PCDHAC1: variants seen among roughly 807,000 people sequenced by gnomAD.
PCDHAC1 encodes protocadherin alpha subfamily C, 1, also known as protocadherin alpha-C1.
Under a neutral mutation model 60.0 loss-of-function variants are expected in PCDHAC1, and 42 were observed. The observed-to-expected ratio is 0.70, with a 90% CI of 0.55 to 0.90. The LOEUF is 0.90. Among genes scored for constraint, PCDHAC1 ranks in the 40% least tolerant of loss-of-function variants. PCDHAC1 has a pLI of 0.00. For missense variants in PCDHAC1, 1,160 were observed against 1,222.3 expected, an observed-to-expected ratio of 0.95 and a Z score of 0.76; for synonymous variants, 468 against 499.3, an observed-to-expected ratio of 0.94 and a Z score of 0.84.
chr5:140,937,371 T>C (rs2153632940), intron 1 of PCDHAC1, among the ~76,000 whole-genome samples: 1 of 152,314 alleles, frequency 6.6e-6, no homozygotes, highest in Non-Finnish European at 1.5e-5. Context: ...TCTTAATGTT[T>C]ATGTGTGTGT....
At chr5:140,962,169 C>T (rs2095662298) in intron 1 of PCDHAC1, among the ~76,000 whole-genome samples, 1 of 152,152 alleles carries the variant, frequency 6.6e-6, no homozygotes, top group Non-Finnish European at 1.5e-5. Flanking sequence ...GCCACCACAC[C>T]CGGCCACTTA....
intron 3 of PCDHAC1, among the ~76,000 whole-genome samples, chr5:141,006,584 GA>G (rs1353712503): frequency 6.6e-6 from 1 of 152,126 alleles, no homozygotes; most frequent in Non-Finnish European, 1.5e-5. Context: ...GAGGGTTGGA[GA>G]GAAGCAAAAG....
chr5:140,994,142 G>C (rs550428204), intron 3 of PCDHAC1, among the ~76,000 whole-genome samples: 8 of 152,180 alleles, frequency 5.3e-5, no homozygotes, highest in Admixed American at 4.6e-4. Context: ...AATGCCCTAC[G>C]TAGGTAGGGT....
intron 3 of PCDHAC1, among the ~76,000 whole-genome samples, chr5:141,003,811 C>G (rs1490096042): frequency 1.3e-5 from 2 of 152,114 alleles, no homozygotes; most frequent in African/African-American, 4.8e-5. Context: ...AATCTGTAGT[C>G]TGGGAAGGGC....
chr5:140,986,246 C>T (rs561365390), intron 3 of PCDHAC1, among the ~76,000 whole-genome samples: 1 of 152,178 alleles, frequency 6.6e-6, no homozygotes, highest in African/African-American at 2.4e-5. Flanking sequence ...TGAGCAGACC[C>T]GGACCACAGG....
intron 3 of PCDHAC1, among the ~76,000 whole-genome samples, chr5:140,994,878 A>G (rs1034578696): frequency 2.0e-5 from 3 of 152,170 alleles, no homozygotes; most frequent in Non-Finnish European, 4.4e-5. Context: ...GAATAAAGAG[A>G]TGTTAGGAAA....
intron 3 of PCDHAC1, among the ~76,000 whole-genome samples, chr5:140,997,287 A>G (rs1011963664): frequency 2.0e-5 from 3 of 152,280 alleles, no homozygotes; most frequent in Admixed American, 1.3e-4. Context: ...TCACTTAACA[A>G]TGGGGATACA....
At chr5:140,972,353 T>C (rs571045648) in intron 1 of PCDHAC1, among the ~76,000 whole-genome samples, 5 of 152,058 alleles carry the variant, frequency 3.3e-5, no homozygotes, top group South Asian at 2.1e-4. Flanking sequence ...TCTCACTATG[T>C]TGCACATGCT....
At chr5:140,985,608 G>A (rs76669319) in intron 3 of PCDHAC1, among the ~76,000 whole-genome samples, 1,553 of 152,166 alleles carry the variant, frequency 0.01, 12 homozygotes, top group Middle Eastern at 0.054. Context: ...AGCCCTTTCC[G>A]TGAACCAGCT....
rs1164447924 is a variant in PCDHAC1, at chr5:141,009,514, AT to A, written c.2582-108del. The A allele has an allele frequency of 1.5e-5, 22 of 1,501,204 alleles. 1 individual carries two copies. The South Asian group carries it at 1.9e-4, about 13-fold the overall frequency. 93.0% of individuals were successfully genotyped at this position (1,501,204 alleles called of 1,614,324 possible). ...CTCAGACTTGAACAAACAACTCGTG[AT>A]TTTTCTGGGGAGGTTCAGCCTGCCT... On this transcript the variant is annotated intron_variant, in intron 3 of 3. Coordinates refer to ENST00000253807, the MANE Select transcript of PCDHAC1 (RefSeq NM_018898.5).
At chr5:141,000,768 A>G (rs1434125702) in intron 3 of PCDHAC1, among the ~76,000 whole-genome samples, 43 of 151,864 alleles carry the variant, frequency 2.8e-4, no homozygotes, top group African/African-American at 4.8e-5. Context: ...TTAGCCAGGC[A>G]TAGTGGCGCA....
Position 140,982,524 on chromosome 5 carries a change from C to T in PCDHAC1, c.2542C>T (p.Pro848Ser). ...CATTCTACGGGCTGGTCCAGGAGGG[C>T]CTGATCAGCAGTGGCCAACAGTATC... ...AGILRAGPGG[P>S]DQQWPTVSSA... Residue 848 changes from proline to serine, a missense_variant, in exon 3 of 4, where the codon CCT (proline) becomes TCT (serine). This residue lies in a region of PCDHAC1 where 1,113 missense variants were observed against 1,163.7 expected (regional missense o/e 0.96). Transcript: ENST00000253807. The T allele has an allele frequency of 6.2e-7, 1 of 1,614,170 alleles. No homozygotes were observed. Among genetic ancestry groups the T allele is most frequent in the Non-Finnish European group, 8.5e-7 (1 of 1,180,030 alleles).
chr5:140,977,923 C>T (rs573696974), intron 1 of PCDHAC1, among the ~76,000 whole-genome samples: 2 of 151,828 alleles, frequency 1.3e-5, no homozygotes, highest in Admixed American at 1.3e-4. Flanking sequence ...TTTTTTCATT[C>T]AACTATACCT....
chr5:141,010,545 A>G lies in PCDHAC1; in HGVS notation c.*608A>G. On this transcript the variant is annotated 3_prime_UTR_variant, in exon 4 of 4. Coordinates refer to ENST00000253807, the MANE Select transcript of PCDHAC1 (RefSeq NM_018898.5). ...GGTGGCAGCCACCCTCTAGGAGACAAAACTACCCCCACTGACAAGGCTTTA... is the reference window on the plus strand; with the variant it reads ...GGTGGCAGCCACCCTCTAGGAGACAGAACTACCCCCACTGACAAGGCTTTA... 1 of 343,382 alleles carries G rather than the reference A, an allele frequency of 2.9e-6. No individual in the cohort carries two copies. 21.3% of individuals were successfully genotyped at this position (343,382 alleles called of 1,614,324 possible).
intron 1 of PCDHAC1, among the ~76,000 whole-genome samples, chr5:140,931,040 A>G (rs2087258988): frequency 6.6e-6 from 1 of 152,242 alleles, no homozygotes; most frequent in South Asian, 2.1e-4. Flanking sequence ...GCTAGCAAGA[A>G]AAACTTCAAT....
intron 1 of PCDHAC1, among the ~76,000 whole-genome samples, chr5:140,950,569 T>C (rs969438550): frequency 1.3e-5 from 2 of 152,120 alleles, no homozygotes; most frequent in African/African-American, 2.4e-5. Context: ...TATTTTAAGG[T>C]TTTCTACTTA....
In PCDHAC1 at chr5:140,927,748, G is replaced by T. The variant is rs782605586; in HGVS notation, c.856G>T (p.Val286Leu). The T allele has an allele frequency of 1.9e-6, 3 of 1,614,206 alleles. No homozygotes were observed. The highest frequency in any genetic ancestry group is 1.7e-5 in the Admixed American group (1 of 60,030). Residue 286 changes from valine to leucine, a missense_variant, in exon 1 of 4, where the codon GTG (valine) becomes TTG (leucine). Around this residue, in one of 3 missense-constraint regions of PCDHAC1, gnomAD observed 1,113 missense variants for 1,163.7 expected, o/e 0.96. Coordinates refer to ENST00000253807, the MANE Select transcript of PCDHAC1 (RefSeq NM_018898.5). Reference sequence around the variant, plus strand: ...AGCAGAGCTGCGACACCGCTTTCACGTGCACCCTAAAAGTGGGGAGGTGCA... The same window carrying T: ...AGCAGAGCTGCGACACCGCTTTCACTTGCACCCTAAAAGTGGGGAGGTGCA... ...TQAELRHRFH[V>L]HPKSGEVQVA...
chr5:140,937,260 A>G (rs1427466170), intron 1 of PCDHAC1, among the ~76,000 whole-genome samples: 1 of 151,830 alleles, frequency 6.6e-6, no homozygotes, highest in Non-Finnish European at 1.5e-5. Flanking sequence ...GATGGTCTCG[A>G]TCTCCTGACC....
At chr5:140,975,486 A>G (rs1260336572) in intron 1 of PCDHAC1, among the ~76,000 whole-genome samples, 4 of 152,228 alleles carry the variant, frequency 2.6e-5, no homozygotes, top group African/African-American at 4.8e-5. Flanking sequence ...GTTTATATCA[A>G]TGTTCATAAA....
Sources: gnomAD v4.1 joint callset for allele counts (sites outside exome capture counted in the v4.1 genomes callset) on GRCh38, gnomAD v4.1.1 for gene constraint, gnomAD v4.1.1 regional missense constraint, MANE v1.5 for transcripts, NCBI Gene and HGNC (gene_info 2026-07-23, HGNC 2026-07-21) for gene names.